Variants in DNAH2 observed in about 807,000 individuals in gnomAD.
DNAH2 encodes dynein axonemal heavy chain 2, also known as axonemal beta dynein heavy chain 2.
Under a neutral mutation model 523.5 loss-of-function variants are expected in DNAH2, and 323 were observed. The ratio of observed to expected loss-of-function variants is 0.62; its 90% CI spans 0.56 to 0.68. The LOEUF (loss-of-function observed/expected upper bound fraction) is 0.68. Among genes scored for constraint, DNAH2 ranks in the 30% least tolerant of loss-of-function variants. The probability of loss-of-function intolerance (pLI) is 0.00; values close to 1 mark genes in which losing one functional copy is unlikely to be tolerated. For missense variants in DNAH2, 4,907 were observed against 5,701.5 expected (o/e 0.86, Z 4.49); for synonymous variants, 2,093 against 2,177.4 (o/e 0.96, Z 1.08).
At chr17:7,722,195 G>C (rs1026738916) in intron 2 of DNAH2, among the ~76,000 whole-genome samples, 3 of 146,266 alleles carry the variant, frequency 2.1e-5, no homozygotes, top group Non-Finnish European at 4.5e-5. Flanking sequence ...GACGGGGGGG[G>C]GGGTTCACCA....
In DNAH2 at chr17:7,818,347, G is replaced by A. The variant is rs753084089; in HGVS notation, c.10423G>A (p.Val3475Met). ...GTTGATGCGCATTGGCGATAAGGAG[G>A]TGGAATATAATACCAATTTCCGTTT... Reference protein sequence around the residue: ...RLLMRIGDKEVEYNTNFRFYI... With the variant: ...RLLMRIGDKEMEYNTNFRFYI... The change falls in exon 69 of 86, where the codon GTG becomes ATG. Residue 3475 changes from valine (V) to methionine (M), a missense_variant. Around this residue, in one of 3 missense-constraint regions of DNAH2, gnomAD observed 1,851 missense variants for 2,139.4 expected, o/e 0.87. Transcript: ENST00000572933. 1 of 1,614,198 alleles carries A rather than the reference G, an allele frequency of 6.2e-7. No homozygotes were observed. The highest frequency in any genetic ancestry group is 1.1e-5 in the South Asian group (1 of 91,080).
intron 12 of DNAH2, among the ~76,000 whole-genome samples, chr17:7,752,625 G>C (rs922930403): frequency 6.6e-6 from 1 of 152,102 alleles, no homozygotes; most frequent in African/African-American, 2.4e-5. Context: ...CAGGAGAATG[G>C]CGTGAACCTG....
intron 12 of DNAH2, among the ~76,000 whole-genome samples, chr17:7,753,908 AC>A (rs2075762546): frequency 6.6e-6 from 1 of 152,168 alleles, no homozygotes; most frequent in East Asian, 1.9e-4. Flanking sequence ...AGATCGCACC[AC>A]TGCACTCCAG....
chr17:7,729,062 A>G (rs1489522551), intron 4 of DNAH2, among the ~76,000 whole-genome samples: 1 of 152,166 alleles, frequency 6.6e-6, no homozygotes, highest in African/African-American at 2.4e-5. Flanking sequence ...AATACCTGAT[A>G]AAATGAGCAA....
intron 20 of DNAH2, 56 bp downstream of exon 20, chr17:7,764,329 G>A: frequency 5.2e-6 from 8 of 1,553,050 alleles, no homozygotes; most frequent in Non-Finnish European, 7.0e-6. Context: ...CAGATTGCGG[G>A]GGAGGCCCTT....
At position 7,763,915 on chromosome 17, in the gene DNAH2, G is replaced by A. The variant is rs748987580; in HGVS notation, c.3063G>A (p.Lys1021=). 137 of 1,614,114 alleles carry A rather than the reference G, an allele frequency of 8.5e-5. No homozygotes were observed. Among genetic ancestry groups the A allele is most frequent in the Non-Finnish European group, 1.1e-4 (132 of 1,180,044 alleles). ...QFVLLDCSHL[K]FSLVQHCNEW... is the part of the protein sequence containing the mutation. Reference sequence around the variant, plus strand: ...TGCTGCTGGACTGTTCGCACCTCAAGTTCTCCCTGGTGCAGCACTGCAATG... The same window carrying A: ...TGCTGCTGGACTGTTCGCACCTCAAATTCTCCCTGGTGCAGCACTGCAATG... The change falls in exon 19 of 86, where the codon AAG becomes AAA. Residue 1021 remains lysine, a synonymous_variant. Transcript: ENST00000572933.
intron 39 of DNAH2, among the ~76,000 whole-genome samples, chr17:7,782,105 G>A (rs1032199834): frequency 2.0e-5 from 3 of 152,124 alleles, no homozygotes; most frequent in African/African-American, 7.2e-5. Context: ...TACCAAAGCT[G>A]GCCTTCTCCC....
At chr17:7,741,360 T>TCCTTCCTTCCTTCCTC (rs1440937070) in intron 11 of DNAH2, among the ~76,000 whole-genome samples, 1 of 137,284 alleles carries the variant, frequency 7.3e-6, no homozygotes, top group Non-Finnish European at 1.6e-5. Context: ...CTTCCTTCCT[T>TCCTTCCTTCCTTCCTC]TCTTTTTGTT....
chr17:7,740,069 G>GGT (rs1555539913), intron 9 of DNAH2, 131 bp downstream of exon 9: 17 of 767,164 alleles, frequency 2.2e-5, no homozygotes, highest in Non-Finnish European at 2.9e-5. Context: ...GGTGGCCCGG[G>GGT]GGGGGGGACA....
At chr17:7,739,213 C>G (rs2075232768) in intron 8 of DNAH2, among the ~76,000 whole-genome samples, 2 of 152,176 alleles carry the variant, frequency 1.3e-5, no homozygotes, top group African/African-American at 4.8e-5. Flanking sequence ...CGAGACCAGC[C>G]TGGCCAACAT....
rs1476335907 is a variant in DNAH2 at position 7,794,298 on chromosome 17, G to A, written c.7614G>A (p.Arg2538=). 3 of 1,610,420 alleles carry A rather than the reference G, an allele frequency of 1.9e-6. No individual in the cohort carries two copies. Among genetic ancestry groups the A allele is most frequent in the Non-Finnish European group, 2.5e-6 (3 of 1,178,370 alleles). The change falls in exon 49 of 86, where the codon CGG becomes CGA. Residue 2538 remains arginine (R), a synonymous_variant. Coordinates refer to ENST00000572933, the MANE Select transcript of DNAH2 (RefSeq NM_020877.5). The stretch of plus-strand genomic sequence containing the variant: ...CCATGGGCCCCCCTGGGGGTGGACG[G>A]ACTGTCATCTCCCCAAGGCTACGGA... ...MAAMGPPGGG[R]TVISPRLRSR... is the part of the protein sequence containing the mutation.
intron 61 of DNAH2, 100 bp downstream of exon 61, chr17:7,805,493 ATTGT>A: frequency 3.9e-6 from 6 of 1,539,794 alleles, no homozygotes; most frequent in Non-Finnish European, 5.3e-6. Flanking sequence ...TGGATGAGGC[ATTGT>A]TCTTACCCTC....
At chr17:7,819,535 C>T in intron 72 of DNAH2, 127 bp downstream of exon 72, 1 of 903,720 alleles carries the variant, frequency 1.1e-6, no homozygotes, top group Non-Finnish European at 1.7e-6. Flanking sequence ...ATATGTCCTC[C>T]TGGTAGCTCC....
intron 72 of DNAH2, among the ~76,000 whole-genome samples, chr17:7,819,771 G>C (rs1014883858): frequency 6.6e-6 from 1 of 152,200 alleles, no homozygotes. Flanking sequence ...TCCCAGGGGT[G>C]CCACTGCTCC....
chr17:7,756,773 C>T (rs534908344), intron 12 of DNAH2, among the ~76,000 whole-genome samples: 1 of 152,270 alleles, frequency 6.6e-6, no homozygotes, highest in South Asian at 2.1e-4. Context: ...CAGGCTTAAG[C>T]GATTCTTGTG....
At chr17:7,753,291 C>T (rs1320603270) in intron 12 of DNAH2, among the ~76,000 whole-genome samples, 3 of 151,916 alleles carry the variant, frequency 2.0e-5, no homozygotes, top group African/African-American at 7.3e-5. Flanking sequence ...GGTGCTTGTG[C>T]ACGAGCAAGC....
rs1221017692 is a variant in DNAH2 at position 7,760,326 on chromosome 17, A to C, written c.2785+388A>C. On this transcript the variant is annotated intron_variant, in intron 17 of 85. Transcript: ENST00000572933. This position sits in a 1 kb window ranked among gnomAD's most constrained non-coding sequence, Gnocchi z 4.0. ...CAGTGAGCGGAGATCATGCCACTGC[A>C]TTCCAGCCTGGGTGACAGAGTGAGA... Among the ~76,000 whole-genome samples, 1 of 151,364 alleles carries C rather than the reference A, an allele frequency of 6.6e-6. No homozygotes were observed. The highest frequency in any genetic ancestry group is 2.4e-5 in the African/African-American group (1 of 41,186).
intron 58 of DNAH2, among the ~76,000 whole-genome samples, chr17:7,803,976 G>A (rs908635863): frequency 6.6e-6 from 1 of 152,216 alleles, no homozygotes; most frequent in African/African-American, 2.4e-5. Flanking sequence ...TCTCATGTAG[G>A]GGAGGTGGTG....
chr17:7,726,993 G>C, intron 3 of DNAH2, 129 bp from the exon 4 acceptor site: 1 of 990,544 alleles, frequency 1.0e-6, no homozygotes, highest in Non-Finnish European at 1.4e-6. Context: ...CTATCTTTCA[G>C]TTTCTCCTAA....
Sources: gnomAD v4.1 joint callset for allele counts (sites outside exome capture counted in the v4.1 genomes callset) on GRCh38, gnomAD v4.1.1 for gene constraint, gnomAD v4.1.1 regional missense constraint, Gnocchi (gnomAD v3.1) non-coding constraint, MANE v1.5 for transcripts, NCBI Gene and HGNC (gene_info 2026-07-23, HGNC 2026-07-21) for gene names.